MRPS27: variants seen among roughly 807,000 people sequenced by gnomAD.
MRPS27 encodes the protein mitochondrial ribosomal protein S27.
In MRPS27, 43 loss-of-function variants were observed where a neutral mutation model predicts 48.9. The ratio of observed to expected loss-of-function variants is 0.88; its 90% CI spans 0.69 to 1.13. The LOEUF is 1.13. Among genes scored for constraint, MRPS27 ranks in the 50% most tolerant of loss-of-function variants. The pLI, the probability that MRPS27 is intolerant of heterozygous loss-of-function variation, is 0.00. For missense variants in MRPS27, 467 were observed against 476.3 expected (o/e 0.98, Z 0.18); for synonymous variants, 188 against 171.9 (o/e 1.09, Z -0.73).
rs150028750 is a variant in MRPS27 at position 72,259,095 on chromosome 5, C to T, written c.282-20967G>A. The stretch of plus-strand genomic sequence containing the variant: ...GATTCAAGATCACTTAAGATCACCC[C>T]CCATCCAGAAAACTCCATGGTCTGA... On this transcript the variant is annotated intron_variant, in intron 4 of 10. Transcript: ENST00000261413. Among the ~76,000 whole-genome samples, 265 of 152,228 alleles carry T rather than the reference C, an allele frequency of 1.7e-3. 1 individual carries two copies. Among genetic ancestry groups the T allele is most frequent in the African/African-American group, 6.2e-3 (259 of 41,524 alleles).
At chr5:72,232,617 C>T in intron 6 of MRPS27, 59 bp from the exon 7 acceptor site, 1 of 1,169,104 alleles carries the variant, frequency 8.6e-7, no homozygotes, top group East Asian at 2.5e-5. Context: ...ATTACTAAAT[C>T]TCTATTTAAC....
chr5:72,285,377 C>G (rs1749645763), intron 4 of MRPS27, among the ~76,000 whole-genome samples: 1 of 152,210 alleles, frequency 6.6e-6, no homozygotes, highest in Non-Finnish European at 1.5e-5. Context: ...CTAGCCTGCT[C>G]AAAACATGTT....
At chr5:72,250,418 TAATGC>T (rs1383691204) in intron 4 of MRPS27, among the ~76,000 whole-genome samples, 30 of 152,160 alleles carry the variant, frequency 2.0e-4, no homozygotes, top group Admixed American at 9.2e-4. Flanking sequence ...CAAACCACAG[TAATGC>T]TGCTTCTCCA....
At chr5:72,315,427 T>C (rs1428045515) in intron 1 of MRPS27, among the ~76,000 whole-genome samples, 3 of 151,798 alleles carry the variant, frequency 2.0e-5, no homozygotes, top group Non-Finnish European at 2.9e-5. Flanking sequence ...CATGGTGGCA[T>C]GCACCTGTAG....
chr5:72,305,175 A>C (rs1317513973), intron 2 of MRPS27, among the ~76,000 whole-genome samples: 1 of 152,232 alleles, frequency 6.6e-6, no homozygotes, highest in East Asian at 1.9e-4. Flanking sequence ...ACATGAAATC[A>C]AGCTTTGTGT....
At chr5:72,288,872 T>C (rs575054904) in intron 4 of MRPS27, 1 of 152,348 alleles carries the variant, frequency 6.6e-6, no homozygotes, top group African/African-American at 2.4e-5. Flanking sequence ...TACTGCTGCG[T>C]AAACGAATGC....
chr5:72,223,659 G>A (rs1250491583), intron 10 of MRPS27, 24 bp downstream of exon 10: 33 of 1,613,412 alleles, frequency 2.0e-5, no homozygotes, highest in Non-Finnish European at 2.8e-5. Flanking sequence ...GCTGCTAAGA[G>A]AGACACGTTC....
chr5:72,320,058 C>T, intron 1 of MRPS27, 91 bp downstream of exon 1: 2 of 1,372,308 alleles, frequency 1.5e-6, no homozygotes, highest in Admixed American at 3.5e-5. Context: ...CAATCAGATT[C>T]CAGAAACGTT....
chr5:72,289,933 A>G (rs1749776311), intron 4 of MRPS27, among the ~76,000 whole-genome samples: 1 of 152,132 alleles, frequency 6.6e-6, no homozygotes, highest in Admixed American at 6.5e-5. Flanking sequence ...TAAAAATGCA[A>G]TTTGCAAATA....
chr5:72,276,810 T>C (rs999586333), intron 4 of MRPS27, among the ~76,000 whole-genome samples: 3 of 151,886 alleles, frequency 2.0e-5, no homozygotes, highest in African/African-American at 7.3e-5. Flanking sequence ...GGCGGGTGGA[T>C]CACGAGGTCA....
intron 4 of MRPS27, among the ~76,000 whole-genome samples, chr5:72,257,718 A>C (rs962030973): frequency 1.3e-5 from 2 of 150,764 alleles, no homozygotes; most frequent in African/African-American, 2.4e-5. Flanking sequence ...AAAAATGGCT[A>C]TCTCAGTTGA....
At chr5:72,313,504 A>C (rs1014770506) in intron 2 of MRPS27, among the ~76,000 whole-genome samples, 3 of 152,194 alleles carry the variant, frequency 2.0e-5, no homozygotes. Flanking sequence ...TGAGTCAGTG[A>C]TTTCTTTTGG....
chr5:72,246,263 T>C (rs139626850), intron 4 of MRPS27, among the ~76,000 whole-genome samples: 198 of 152,292 alleles, frequency 1.3e-3, no homozygotes, highest in African/African-American at 4.6e-3. Context: ...TAAAATAAAG[T>C]TGAAGCCAAG....
At chr5:72,241,574 A>T in intron 4 of MRPS27, 2 of 1,421,340 alleles carry the variant, frequency 1.4e-6, no homozygotes, top group Non-Finnish European at 1.9e-6. Flanking sequence ...CAGTTCAGAC[A>T]AATAAATGTG....
At chr5:72,297,841 G>C in intron 2 of MRPS27, 139 bp from the exon 3 acceptor site, 1 of 431,178 alleles carries the variant, frequency 2.3e-6, no homozygotes, top group Non-Finnish European at 4.0e-6. Flanking sequence ...ATAAATTAAA[G>C]AGGAAAAAAG....
intron 7 of MRPS27, among the ~76,000 whole-genome samples, chr5:72,230,542 C>T (rs763610249): frequency 2.6e-5 from 4 of 152,130 alleles, no homozygotes; most frequent in Non-Finnish European, 5.9e-5. Context: ...ACATAGCAGA[C>T]CATCTCTTCC....
intron 2 of MRPS27, among the ~76,000 whole-genome samples, chr5:72,300,309 A>G (rs1750093097): frequency 6.6e-6 from 1 of 152,154 alleles, no homozygotes; most frequent in Non-Finnish European, 1.5e-5. Flanking sequence ...GAGTGCCTCT[A>G]GGACTCTAGT....
intron 5 of MRPS27, among the ~76,000 whole-genome samples, chr5:72,236,522 A>C (rs1748202787): frequency 1.3e-5 from 2 of 152,142 alleles, no homozygotes; most frequent in African/African-American, 4.8e-5. Flanking sequence ...CTTTGAGTGT[A>C]ATCTGTGACA....
In MRPS27 at chr5:72,286,574, C is replaced by CAA. The variant is rs145723034; in HGVS notation, c.281+8955_281+8956dup. On this transcript the variant is annotated intron_variant, in intron 4 of 10. Coordinates refer to ENST00000261413, the MANE Select transcript of MRPS27 (RefSeq NM_015084.3). Reference sequence around the variant, plus strand: ...TGATCTTTACCTTATAACATACACACAAAAAAAAATTCAAAATCATAAATC... The same window carrying CAA: ...TGATCTTTACCTTATAACATACACACAAAAAAAAAAATTCAAAATCATAAATC... Among the ~76,000 whole-genome samples, 10 of 151,228 alleles carry CAA rather than the reference C, an allele frequency of 6.6e-5. No homozygotes were observed. In the South Asian group the frequency reaches 8.4e-4, roughly 13 times the overall value.
Sources: allele counts gnomAD v4.1 joint callset (sites outside exome capture counted in the v4.1 genomes callset), GRCh38; gene constraint gnomAD v4.1.1; transcripts MANE v1.5; gene names NCBI Gene and HGNC (gene_info 2026-07-23, HGNC 2026-07-21).